CNTN4: variants seen among roughly 807,000 people sequenced by gnomAD.
The protein encoded by CNTN4 is contactin-4.
In CNTN4, 77 loss-of-function variants were observed where a neutral mutation model predicts 122.5. The observed-to-expected ratio is 0.63, with a 90% CI of 0.52 to 0.76. The LOEUF (loss-of-function observed/expected upper bound fraction) is 0.76. Among genes scored for constraint, CNTN4 ranks in the 30% least tolerant of loss-of-function variants. The pLI is 0.00. For synonymous variants in CNTN4, 512 were observed against 447.0 expected (o/e 1.15, Z -1.83); for missense variants, 1,256 against 1,259.1 (o/e 1.00, Z 0.04).
chr3:3,005,475 C>G (rs886243577), intron 14 of CNTN4, among the ~76,000 whole-genome samples: 2 of 152,224 alleles, frequency 1.3e-5, no homozygotes, highest in African/African-American at 4.8e-5. Flanking sequence ...CCAGAAAACA[C>G]TAGAACACAA....
chr3:2,870,700 A>G (rs2093774598), intron 8 of CNTN4, among the ~76,000 whole-genome samples: 1 of 152,222 alleles, frequency 6.6e-6, no homozygotes, highest in African/African-American at 2.4e-5. Context: ...AGGGAAAAAA[A>G]GCAAGGCAAA....
chr3:2,748,862 T>C (rs1464956342), intron 6 of CNTN4, among the ~76,000 whole-genome samples: 2 of 152,234 alleles, frequency 1.3e-5, no homozygotes, highest in Non-Finnish European at 2.9e-5. Context: ...GTACTTAGAA[T>C]AAATCTCAAA....
At chr3:2,610,580 T>C (rs915000770) in intron 4 of CNTN4, among the ~76,000 whole-genome samples, 1 of 152,224 alleles carries the variant, frequency 6.6e-6, no homozygotes, top group Admixed American at 6.5e-5. Flanking sequence ...TTACACTTTG[T>C]GTATTTTGCC....
intron 6 of CNTN4, among the ~76,000 whole-genome samples, chr3:2,784,136 G>A (rs79093488): frequency 0.024 from 3,609 of 152,152 alleles, 140 homozygotes; most frequent in African/African-American, 0.083. Context: ...ATAGCAACCA[G>A]CCTTTTTTAC....
chr3:2,805,598 T>C (rs1460899070), intron 6 of CNTN4, among the ~76,000 whole-genome samples: 1 of 152,174 alleles, frequency 6.6e-6, no homozygotes, highest in Non-Finnish European at 1.5e-5. Flanking sequence ...GAGAATCCAG[T>C]TGTGCCTTGT....
intron 2 of CNTN4, among the ~76,000 whole-genome samples, chr3:2,121,817 T>C (rs1301514736): frequency 6.6e-6 from 1 of 152,176 alleles, no homozygotes; most frequent in Non-Finnish European, 1.5e-5. Context: ...GTTACTAATA[T>C]TTAATTTCCC....
intron 3 of CNTN4, among the ~76,000 whole-genome samples, chr3:2,554,306 T>G (rs2078631032): frequency 6.6e-6 from 1 of 152,158 alleles, no homozygotes; most frequent in Non-Finnish European, 1.5e-5. Context: ...CTGGCTAGTT[T>G]TATAACATAT....
At chr3:2,103,430 C>G (rs1399149764) in intron 2 of CNTN4, among the ~76,000 whole-genome samples, 1 of 152,202 alleles carries the variant, frequency 6.6e-6, no homozygotes, top group Non-Finnish European at 1.5e-5. Context: ...ACCACTACAA[C>G]TGCTCTTTCA....
intron 2 of CNTN4, among the ~76,000 whole-genome samples, chr3:2,154,404 T>A (rs1329030498): frequency 2.0e-5 from 3 of 151,620 alleles, no homozygotes; most frequent in Non-Finnish European, 4.4e-5. Context: ...TAAAAGTGGA[T>A]ATGGTAATTT....
At chr3:2,222,906 C>T (rs998505399) in intron 2 of CNTN4, among the ~76,000 whole-genome samples, 1 of 152,148 alleles carries the variant, frequency 6.6e-6, no homozygotes, top group African/African-American at 2.4e-5. Flanking sequence ...TTACCTTCCC[C>T]AACCCCTAAA....
intron 19 of CNTN4, 68 bp from the exon 20 acceptor site, chr3:3,039,969 A>G: frequency 8.8e-7 from 1 of 1,141,096 alleles, no homozygotes; most frequent in Non-Finnish European, 1.3e-6. Flanking sequence ...TACAAGGGAA[A>G]CAAAAACGAT....
intron 6 of CNTN4, among the ~76,000 whole-genome samples, chr3:2,753,387 G>A (rs1254798987): frequency 1.3e-5 from 2 of 152,136 alleles, no homozygotes; most frequent in Non-Finnish European, 2.9e-5. Context: ...ATGTTATAAT[G>A]TGAATACTCT....
intron 14 of CNTN4, among the ~76,000 whole-genome samples, chr3:2,992,360 G>A (rs1255920184): frequency 1.3e-5 from 2 of 152,144 alleles, no homozygotes; most frequent in Admixed American, 1.3e-4. Flanking sequence ...AGCAAGAACA[G>A]TTCTTAAGTC....
At chr3:2,113,615 A>G (rs144194486) in intron 2 of CNTN4, among the ~76,000 whole-genome samples, 107 of 152,332 alleles carry the variant, frequency 7.0e-4, no homozygotes, top group African/African-American at 2.4e-3. Flanking sequence ...ATTGTATAGT[A>G]AGGACCCAAT....
intron 14 of CNTN4, chr3:2,988,743 C>T (rs1339989054): frequency 1.3e-5 from 5 of 396,866 alleles, no homozygotes; most frequent in African/African-American, 2.0e-5. Flanking sequence ...CGAATGTTAT[C>T]TTCAATCCTT....
At chr3:2,226,653 C>T (rs1016470718) in intron 2 of CNTN4, among the ~76,000 whole-genome samples, 1 of 152,132 alleles carries the variant, frequency 6.6e-6, no homozygotes. Flanking sequence ...AAATATTTAT[C>T]ATGGATAGGG....
intron 3 of CNTN4, among the ~76,000 whole-genome samples, chr3:2,371,971 C>T (rs2045648313): frequency 6.6e-6 from 1 of 152,162 alleles, no homozygotes; most frequent in Admixed American, 6.5e-5. Context: ...GAGTTAAAAC[C>T]AGCATCTGAT....
At chr3:2,526,915 A>AGTC (rs2077417291) in intron 3 of CNTN4, among the ~76,000 whole-genome samples, 7 of 152,192 alleles carry the variant, frequency 4.6e-5, no homozygotes, top group Admixed American at 2.0e-4. Flanking sequence ...TGGTTTGCTT[A>AGTC]GCCACTGCCC....
chr3:2,812,321 A>G (rs901001519), intron 6 of CNTN4, among the ~76,000 whole-genome samples: 3 of 152,264 alleles, frequency 2.0e-5, no homozygotes, highest in Non-Finnish European at 4.4e-5. Flanking sequence ...TATAGAAACA[A>G]TATTTTTAAG....
Sources: allele counts gnomAD v4.1 joint callset (sites outside exome capture counted in the v4.1 genomes callset), GRCh38; gene constraint gnomAD v4.1.1; transcripts MANE v1.5; gene names NCBI Gene and HGNC (gene_info 2026-07-23, HGNC 2026-07-21).